The following SEC14L3 variants were observed in gnomAD, a reference collection of about 807,000 sequenced individuals.
SEC14L3 encodes SEC14 like lipid binding 3.
Under a neutral mutation model 57.4 loss-of-function variants are expected in SEC14L3, and 56 were observed. The ratio of observed to expected loss-of-function variants is 0.97; its 90% CI spans 0.79 to 1.22. SEC14L3 has a LOEUF of 1.22. Ranked by LOEUF, SEC14L3 falls within the 50% of genes most tolerant of loss-of-function variation. SEC14L3 has a pLI of 0.00. For synonymous variants in SEC14L3, 173 were observed against 194.4 expected (o/e 0.89, Z 0.92); for missense variants, 485 against 511.7 (o/e 0.95, Z 0.50).
chr22:30,461,562 C>T lies in SEC14L3; in HGVS notation c.904G>A (p.Val302Ile), dbSNP rs137949327. ...VEYEILFPGCVLRWQFSSDGA... is the reference protein window; with the variant it reads ...VEYEILFPGCILRWQFSSDGA... Reference sequence around the variant, plus strand: ...GTTAGGGCCTGCCCCTACCTGAGAACGCAGCCTGGAAATAGGATCTCGTAT... The same window carrying T: ...GTTAGGGCCTGCCCCTACCTGAGAATGCAGCCTGGAAATAGGATCTCGTAT... Residue 302 changes from valine (V) to isoleucine (I), a missense_variant, in exon 10 of 12, where the codon GTT becomes ATT. Coordinates refer to ENST00000215812, the MANE Select transcript of SEC14L3 (RefSeq NM_174975.5). 228 of 1,614,030 alleles carry T rather than the reference C, an allele frequency of 1.4e-4. No homozygotes were observed. Among genetic ancestry groups the T allele is most frequent in the Admixed American group, 2.0e-4 (12 of 59,992 alleles).
downstream of SEC14L3, among the ~76,000 whole-genome samples, chr22:30,455,033 A>G (rs1420368690): frequency 2.5e-5 from 2 of 79,584 alleles, no homozygotes; most frequent in Non-Finnish European, 4.3e-5. Flanking sequence ...ATAATATATT[A>G]TATTATATAA....
At chr22:30,461,096 A>G (rs955465005) in intron 11 of SEC14L3, among the ~76,000 whole-genome samples, 3 of 152,134 alleles carry the variant, frequency 2.0e-5, no homozygotes, top group African/African-American at 4.8e-5. Flanking sequence ...GGTGTCCCCA[A>G]TTCCTTCAGG....
downstream of SEC14L3, among the ~76,000 whole-genome samples, chr22:30,454,633 A>C (rs1935055155): frequency 8.9e-6 from 1 of 112,210 alleles, no homozygotes; most frequent in Non-Finnish European, 1.6e-5. Flanking sequence ...CTATAATATT[A>C]TTAGATATAA....
intron 12 of SEC14L3, among the ~76,000 whole-genome samples, chr22:30,450,077 T>A (rs772213230): frequency 1.3e-5 from 2 of 152,170 alleles, no homozygotes; most frequent in Non-Finnish European, 2.9e-5. Context: ...TTTGTCCCAC[T>A]GCCCTTTCTG....
chr22:30,470,732 AGATGGATCACTG>A, intron 1 of SEC14L3, 150 bp from the exon 2 acceptor site: 1 of 1,477,116 alleles, frequency 6.8e-7, no homozygotes, highest in Non-Finnish European at 9.0e-7. Context: ...ATAGAAGGGC[AGATGGATCACTG>A]GATAGGTGGA....
intron 3 of SEC14L3, 55 bp from the exon 4 acceptor site, chr22:30,470,133 G>A: frequency 1.2e-6 from 2 of 1,612,516 alleles, no homozygotes; most frequent in South Asian, 1.1e-5. Flanking sequence ...CCTGAGAACA[G>A]GGATGGAAGG....
At chr22:30,462,224 A>C in intron 8 of SEC14L3, 32 bp from the exon 9 acceptor site, 1 of 1,590,814 alleles carries the variant, frequency 6.3e-7, no homozygotes, top group Non-Finnish European at 8.6e-7. Context: ...GGTGGTTAGC[A>C]AGCATGGGGG....
intron 5 of SEC14L3, 120 bp downstream of exon 5, chr22:30,468,388 G>T (rs1935490287): frequency 6.0e-6 from 4 of 664,518 alleles, no homozygotes; most frequent in East Asian, 2.7e-5. Context: ...AACAGAGCTG[G>T]TGTTTGACCC....
At chr22:30,449,242 C>G in exon 13 of SEC14L3, 1 of 1,550,360 alleles carries the variant, frequency 6.5e-7, no homozygotes, top group Non-Finnish European at 8.7e-7. Context: ...TCACTTTCCA[C>G]ATCTGTAAAA....
chr22:30,458,837 A>G (rs866073825), downstream of SEC14L3, among the ~76,000 whole-genome samples: 17 of 120,228 alleles, frequency 1.4e-4, no homozygotes, highest in African/African-American at 7.1e-4. Context: ...CCCCATCTCT[A>G]CAAAAAAATA....
chr22:30,468,265 C>T (rs563832438), intron 5 of SEC14L3, among the ~76,000 whole-genome samples: 5 of 145,050 alleles, frequency 3.4e-5, no homozygotes, highest in Admixed American at 6.9e-5. Context: ...GGTGACAGAG[C>T]GAGACTCTGT....
intron 7 of SEC14L3, among the ~76,000 whole-genome samples, 179 bp downstream of exon 7, chr22:30,466,155 C>G (rs963629708): frequency 2.0e-5 from 3 of 152,162 alleles, no homozygotes; most frequent in African/African-American, 7.2e-5. Flanking sequence ...GCAGTAAGGC[C>G]AACCCTAGAA....
chr22:30,460,140 C>T lies in SEC14L3; in HGVS notation c.1084G>A (p.Val362Ile), dbSNP rs772510957. The change falls in exon 12 of 12, where the codon GTC (valine) becomes ATC (isoleucine). Residue 362 changes from valine to isoleucine, a missense_variant and splice_region_variant. Coordinates refer to ENST00000215812, the MANE Select transcript of SEC14L3 (RefSeq NM_174975.5). The part of the protein sequence containing the change: ...NLTCSEAGVY[V>I]LRFDNTYSFV... ...CTATAGGTGTTGTCGAAGCGTAGGA[C>T]ATCTGGGGGACAGATGGAAAGAGGG... 7.4e-6 allele frequency: 12 copies of T among 1,613,618 alleles called. No homozygotes were observed. Among genetic ancestry groups the T allele is most frequent in the Non-Finnish European group, 9.3e-6 (11 of 1,179,720 alleles).
At chr22:30,467,130 A>G (rs2146118086) in intron 5 of SEC14L3, 53 bp from the exon 6 acceptor site, 1 of 1,610,048 alleles carries the variant, frequency 6.2e-7, no homozygotes, top group Non-Finnish European at 8.5e-7. Flanking sequence ...TAGGCTTGGG[A>G]GATGGTAATC....
rs1935439361 is a variant in SEC14L3, at chr22:30,467,045, T to C, written c.456A>G (p.Ile152Met). 1.2e-6 allele frequency: 2 copies of C among 1,613,960 alleles called. No homozygotes were observed. ...LGKKIETIVM[I>M]FDCEGLGLKH... ...TCAGTCCCAGGCCCTCACAGTCAAA[T>C]ATCATCACGATGGTCTCAATCTTCT... Residue 152 changes from isoleucine (I) to methionine (M), a missense_variant, in exon 6 of 12, where the codon ATA (isoleucine) becomes ATG (methionine). Coordinates refer to ENST00000215812, the MANE Select transcript of SEC14L3 (RefSeq NM_174975.5).
chr22:30,449,563 CTTTT>C (rs1261720446), intron 12 of SEC14L3, among the ~76,000 whole-genome samples: 3 of 140,782 alleles, frequency 2.1e-5, no homozygotes, highest in Non-Finnish European at 3.0e-5. Flanking sequence ...CTTTTCTTTT[CTTTT>C]CTTTTTTTTT....
chr22:30,471,904 C>T lies in SEC14L3; in HGVS notation c.54+1G>A, dbSNP rs755264057. 3.7e-6 allele frequency: 6 copies of T among 1,613,276 alleles called. No homozygotes were observed. The highest frequency in any genetic ancestry group is 1.7e-4 in the Middle Eastern group (1 of 6,050). ...GGAACTCCAGGGGGAGGGGCTCTCA[C>T]CTTGGCCAGGGTCTCTGCCTGTTTG... On this transcript the variant is annotated splice_donor_variant, in intron 1 of 11. Transcript: ENST00000215812. LOFTEE classifies it high-confidence loss of function.
At position 30,467,031 on chromosome 22, in the gene SEC14L3, C is replaced by A. The variant is rs1935438914; in HGVS notation, c.470G>T (p.Gly157Val). Residue 157 changes from glycine (G) to valine (V), a missense_variant, in exon 6 of 12, where the codon GGC becomes GTC. Gly to Val is a moderately radical substitution (Grantham distance 109). Transcript: ENST00000215812. ...ETIVMIFDCE[G>V]LGLKHFWKPL... Reference sequence around the variant, plus strand: ...TTTCCAGAAGTGTTTCAGTCCCAGGCCCTCACAGTCAAATATCATCACGAT... The same window carrying A: ...TTTCCAGAAGTGTTTCAGTCCCAGGACCTCACAGTCAAATATCATCACGAT... 6.2e-7 allele frequency: 1 copy of A among 1,613,958 alleles called. No homozygotes were observed. The highest frequency in any genetic ancestry group is 1.3e-5 in the African/African-American group (1 of 74,890).
intron 11 of SEC14L3, among the ~76,000 whole-genome samples, chr22:30,461,052 G>A (rs1935238851): frequency 6.6e-6 from 1 of 152,112 alleles, no homozygotes; most frequent in African/African-American, 2.4e-5. Flanking sequence ...AACTACACCT[G>A]CCCTATCACT....
Sources: allele counts gnomAD v4.1 joint callset (sites outside exome capture counted in the v4.1 genomes callset), GRCh38; gene constraint gnomAD v4.1.1; transcripts MANE v1.5; gene names NCBI Gene and HGNC (gene_info 2026-07-23, HGNC 2026-07-21).